The following FARP1 variants were observed in gnomAD, a reference collection of about 807,000 sequenced individuals.
FARP1 encodes FERM, ARH/RhoGEF and pleckstrin domain protein 1, also known as FERM, ARHGEF and pleckstrin domain-containing protein 1.
In FARP1, 52 loss-of-function variants were observed where a neutral mutation model predicts 128.8. The observed-to-expected ratio is 0.40, with a 90% confidence interval of 0.32 to 0.51. The LOEUF (loss-of-function observed/expected upper bound fraction) is 0.51. FARP1 is among the 20% of genes least tolerant of loss of function. The pLI is 0.45. For missense variants in FARP1, 1,333 were observed against 1,367.9 expected (o/e 0.97, Z 0.40); for synonymous variants, 580 against 551.8 (o/e 1.05, Z -0.72).
chr13:98,303,149 G>A (rs1247463977), intron 2 of FARP1, among the ~76,000 whole-genome samples: 2 of 152,180 alleles, frequency 1.3e-5, no homozygotes, highest in Non-Finnish European at 2.9e-5. Flanking sequence ...ATGACGTGTT[G>A]TTTGAAGCCA....
In FARP1 at chr13:98,336,794, A is replaced by G. The variant is rs180940674; in HGVS notation, c.172-6968A>G. On this transcript the variant is annotated intron_variant, in intron 2 of 26. Coordinates refer to ENST00000319562, the MANE Select transcript of FARP1 (RefSeq NM_005766.4). ...GGGACACAGAGCATGGAGCCAGCCA[A>G]CTGGTTGGTGCGCTAGATTAAAATT... Among the ~76,000 whole-genome samples, 604 of 152,364 alleles carry G rather than the reference A, an allele frequency of 4.0e-3. 2 individuals carry two copies. Among genetic ancestry groups the G allele is most frequent in the Non-Finnish European group, 7.0e-3 (478 of 68,028 alleles).
intron 3 of FARP1, among the ~76,000 whole-genome samples, chr13:98,353,339 C>G (rs942536308): frequency 6.6e-6 from 1 of 152,176 alleles, no homozygotes; most frequent in African/African-American, 2.4e-5. Flanking sequence ...TGTTTACCAT[C>G]TAATAATTCA....
chr13:98,426,418 A>G (rs1891790683), intron 17 of FARP1, among the ~76,000 whole-genome samples: 1 of 152,254 alleles, frequency 6.6e-6, no homozygotes, highest in South Asian at 2.1e-4. Flanking sequence ...TGAGCCCAGC[A>G]GGTTGATGCT....
intron 2 of FARP1, among the ~76,000 whole-genome samples, chr13:98,267,077 T>C (rs1403849741): frequency 6.7e-6 from 1 of 149,648 alleles, no homozygotes; most frequent in Non-Finnish European, 1.5e-5. Context: ...TTATTTCACC[T>C]AGGTGTTAAA....
intron 13 of FARP1, 54 bp downstream of exon 13, chr13:98,395,530 T>G: frequency 6.6e-7 from 1 of 1,520,090 alleles, no homozygotes; most frequent in Admixed American, 2.1e-5. Context: ...TTTCATTGAC[T>G]GCAGTGACGT....
chr13:98,245,828 G>C (rs1883017904), intron 2 of FARP1, among the ~76,000 whole-genome samples: 1 of 152,042 alleles, frequency 6.6e-6, no homozygotes. Flanking sequence ...GAGTGCAGTG[G>C]TGCGATCTCG....
At chr13:98,241,479 TC>T (rs1275346038) in intron 2 of FARP1, among the ~76,000 whole-genome samples, 4 of 152,078 alleles carry the variant, frequency 2.6e-5, no homozygotes, top group Non-Finnish European at 5.9e-5. Flanking sequence ...AATGCAAGCT[TC>T]TCTTTTTAGA....
At chr13:98,174,334 G>A (rs1594229554) in intron 1 of FARP1, among the ~76,000 whole-genome samples, 2 of 152,216 alleles carry the variant, frequency 1.3e-5, no homozygotes, top group African/African-American at 2.4e-5. Context: ...GTTCACGAGC[G>A]TAGCTGAGTC....
At chr13:98,266,241 T>A (rs556502888) in intron 2 of FARP1, among the ~76,000 whole-genome samples, 1 of 152,292 alleles carries the variant, frequency 6.6e-6, no homozygotes, top group South Asian at 2.1e-4. Context: ...TTGTACATTA[T>A]TTCATCCCAT....
At chr13:98,276,440 A>G (rs544216367) in intron 2 of FARP1, among the ~76,000 whole-genome samples, 1 of 152,316 alleles carries the variant, frequency 6.6e-6, no homozygotes, top group South Asian at 2.1e-4. Flanking sequence ...AAAAAGCAAA[A>G]CACAAGATTA....
intron 1 of FARP1, among the ~76,000 whole-genome samples, chr13:98,180,997 G>A (rs9556895): frequency 0.089 from 13,381 of 151,048 alleles, 1,428 homozygotes; most frequent in East Asian, 0.56. Flanking sequence ...GTTTACATTT[G>A]TTTTCTTAGG....
chr13:98,211,873 C>T (rs74547711), intron 1 of FARP1, among the ~76,000 whole-genome samples: 2,254 of 152,294 alleles, frequency 0.015, 52 homozygotes, highest in African/African-American at 0.052. Flanking sequence ...ACCTCCACTC[C>T]GTGTGAGGCA....
rs189316851 is a variant in FARP1 at position 98,409,065 on chromosome 13, A to G, written c.1415-273A>G. ...TGAAATTCCTATTTCGGGATACACT[A>G]TGCTTTTAAGCTATTTTAATTGCTA... is the stretch of plus-strand genomic sequence containing the variant. On this transcript the variant is annotated intron_variant, in intron 13 of 26. Coordinates refer to ENST00000319562, the MANE Select transcript of FARP1 (RefSeq NM_005766.4). 5.3e-4 allele frequency among the ~76,000 whole-genome samples: 81 copies of G among 152,334 alleles called. 1 individual carries two copies. Among genetic ancestry groups the G allele is most frequent in the Admixed American group, 2.5e-3 (39 of 15,296 alleles).
At chr13:98,201,579 G>T (rs190043997) in intron 1 of FARP1, among the ~76,000 whole-genome samples, 9 of 152,282 alleles carry the variant, frequency 5.9e-5, no homozygotes, top group Admixed American at 5.9e-4. Context: ...TGCCTTGCTG[G>T]GAATTTTTAC....
At chr13:98,149,095 C>T (rs1249794611) in intron 1 of FARP1, among the ~76,000 whole-genome samples, 3 of 151,978 alleles carry the variant, frequency 2.0e-5, no homozygotes, top group Admixed American at 6.6e-5. Flanking sequence ...GCCATGTTGC[C>T]CAGGCTAGTC....
At chr13:98,232,137 TTTGG>T (rs1281045411) in intron 2 of FARP1, among the ~76,000 whole-genome samples, 1 of 124,666 alleles carries the variant, frequency 8.0e-6, no homozygotes, top group Non-Finnish European at 1.6e-5. Flanking sequence ...GCTTTTTTTG[TTTGG>T]TTGGTTTTTT....
At chr13:98,274,506 T>G (rs933574673) in intron 2 of FARP1, among the ~76,000 whole-genome samples, 1 of 149,342 alleles carries the variant, frequency 6.7e-6, no homozygotes, top group African/African-American at 2.5e-5. Flanking sequence ...ACGATAATAG[T>G]TTTTTTTTTA....
In FARP1 at chr13:98,448,252, C is replaced by T. The variant is rs143527821; in HGVS notation, c.3073C>T (p.Arg1025Cys). The T allele has an allele frequency of 5.8e-4, 934 of 1,613,842 alleles. No individual in the cohort carries two copies. Among genetic ancestry groups the T allele is most frequent in the Non-Finnish European group, 7.0e-4 (829 of 1,179,744 alleles). ...YTFERWMEVI[R>C]SATSSASRPH... The stretch of plus-strand genomic sequence containing the variant: ...GTGTTGCAGGTGGATGGAAGTGATC[C>T]GCAGTGCCACCAGCTCTGCCTCGCG... The change falls in exon 27 of 27, where the codon CGC (arginine) becomes TGC (cysteine). Residue 1025 changes from arginine to cysteine, a missense_variant. Arg to Cys is a radical substitution (Grantham distance 180, BLOSUM62 -3). This residue lies in a region of FARP1 where 1,009 missense variants were observed against 969.8 expected (regional missense o/e 1.04). Transcript: ENST00000319562.
intron 13 of FARP1, chr13:98,403,932 G>C (rs574940069): frequency 6.5e-6 from 1 of 152,790 alleles, no homozygotes; most frequent in South Asian, 1.9e-4. Flanking sequence ...CTGAAGCTTT[G>C]TCCTGAGTAC....
Sources: allele counts gnomAD v4.1 joint callset (sites outside exome capture counted in the v4.1 genomes callset), GRCh38; gene constraint gnomAD v4.1.1; regional missense constraint gnomAD v4.1.1; transcripts MANE v1.5; gene names NCBI Gene and HGNC (gene_info 2026-07-23, HGNC 2026-07-21).